Variants in NRG1 observed in about 807,000 individuals in gnomAD.
NRG1 encodes the protein pro-neuregulin-1, membrane-bound isoform.
NRG1 carries 18 observed loss-of-function variants against 63.8 expected under a neutral mutation model. That is an observed-to-expected ratio of 0.28 (90% CI 0.19 to 0.42). The LOEUF (loss-of-function observed/expected upper bound fraction) is 0.42. Among genes scored for constraint, NRG1 ranks in the 10% least tolerant of loss-of-function variants. The probability of loss-of-function intolerance (pLI) is 1.00; values close to 1 mark genes in which losing one functional copy is unlikely to be tolerated. For missense variants in NRG1, 762 were observed against 814.7 expected (o/e 0.94, Z 0.79); for synonymous variants, 302 against 301.3 (o/e 1.00, Z -0.02).
chr8:32,683,407 T>C (rs1021299539), intron 5 of NRG1, among the ~76,000 whole-genome samples: 6 of 152,146 alleles, frequency 3.9e-5, no homozygotes, highest in East Asian at 1.9e-4. Flanking sequence ...TAGATGCAAA[T>C]TGGCATCAAC....
intron 1 of NRG1, among the ~76,000 whole-genome samples, chr8:32,164,919 T>G (rs1256233151): frequency 6.6e-6 from 1 of 152,102 alleles, no homozygotes; most frequent in Non-Finnish European, 1.5e-5. Context: ...ATCTTTGGAG[T>G]TACAATGTCC....
chr8:32,013,797 G>A (rs1305352518), intron 1 of NRG1, among the ~76,000 whole-genome samples: 2 of 152,158 alleles, frequency 1.3e-5, no homozygotes, highest in African/African-American at 4.8e-5. Context: ...ATGGGATTAA[G>A]CTAAACTGAC....
At chr8:32,032,349 C>T (rs1044230697) in intron 1 of NRG1, among the ~76,000 whole-genome samples, 1 of 152,106 alleles carries the variant, frequency 6.6e-6, no homozygotes, top group Non-Finnish European at 1.5e-5. Flanking sequence ...CCGCAATCTC[C>T]ACCTTCCAGC....
At chr8:32,633,512 G>A (rs1052332456) in intron 5 of NRG1, among the ~76,000 whole-genome samples, 37 of 152,130 alleles carry the variant, frequency 2.4e-4, no homozygotes, top group Middle Eastern at 3.2e-3. Context: ...GATCCGGAGT[G>A]AAGGAAAATT....
chr8:32,404,162 T>A (rs1227565443), intron 1 of NRG1, among the ~76,000 whole-genome samples: 1 of 152,178 alleles, frequency 6.6e-6, no homozygotes, highest in African/African-American at 2.4e-5. Context: ...GTTTTCCTGT[T>A]TTGCACCTGC....
intron 1 of NRG1, among the ~76,000 whole-genome samples, chr8:32,254,680 G>T (rs1849485272): frequency 6.6e-6 from 1 of 152,194 alleles, no homozygotes; most frequent in Non-Finnish European, 1.5e-5. Context: ...TTCTGTAGAT[G>T]TCCATTAAGT....
rs1830945745 is a variant in NRG1, at chr8:31,889,089, C to T, written c.37+249658C>T. On this transcript the variant is annotated intron_variant, in intron 1 of 10. Coordinates refer to the NRG1 transcript ENST00000519301. The stretch of plus-strand genomic sequence containing the variant: ...AGGTCTTATTCTGAATATCTACCTT[C>T]ACTTTATAATAATAGAAACTGAACT... Among the ~76,000 whole-genome samples, 5 of 152,084 alleles carry T rather than the reference C, an allele frequency of 3.3e-5. 1 individual carries two copies.
At chr8:32,297,491 A>T (rs1855033712) in intron 1 of NRG1, among the ~76,000 whole-genome samples, 1 of 152,222 alleles carries the variant, frequency 6.6e-6, no homozygotes, top group African/African-American at 2.4e-5. Flanking sequence ...ATTGGGTTGA[A>T]AAGAAAATGC....
chr8:32,762,034 G>A (rs549609411), intron 11 of NRG1, among the ~76,000 whole-genome samples: 4 of 39,526 alleles, frequency 1.0e-4, no homozygotes, highest in East Asian at 4.9e-4. Context: ...GCAAGACTCC[G>A]CCTCAAAAAA....
chr8:32,610,580 G>A (rs1417772759), intron 3 of NRG1, among the ~76,000 whole-genome samples: 2 of 152,152 alleles, frequency 1.3e-5, no homozygotes, highest in Admixed American at 1.3e-4. Context: ...ATGCTTGGGT[G>A]TAACAGTGGC....
At chr8:31,844,627 C>T (rs1229875039) in intron 1 of NRG1, among the ~76,000 whole-genome samples, 1 of 152,148 alleles carries the variant, frequency 6.6e-6, no homozygotes, top group African/African-American at 2.4e-5. Context: ...TTTTCTGCTG[C>T]CCCTTTGAGC....
intron 1 of NRG1, among the ~76,000 whole-genome samples, chr8:32,427,977 C>T (rs374014586): frequency 6.6e-6 from 1 of 152,204 alleles, no homozygotes; most frequent in Non-Finnish European, 1.5e-5. Context: ...TTTACAACAA[C>T]GGAAGTTTAT....
chr8:32,758,489 A>G (rs947659879), intron 9 of NRG1, among the ~76,000 whole-genome samples: 4 of 143,064 alleles, frequency 2.8e-5, no homozygotes, highest in African/African-American at 1.0e-4. Context: ...AGGCAGGAGA[A>G]TTGCTTGAAC....
intron 5 of NRG1, among the ~76,000 whole-genome samples, chr8:32,713,856 G>A (rs963701800): frequency 4.0e-5 from 6 of 148,680 alleles, no homozygotes; most frequent in East Asian, 2.0e-4. Flanking sequence ...ATGGAATCTC[G>A]CTCTGTCACC....
At position 32,354,317 on chromosome 8, in the gene NRG1, C is replaced by T. The variant is rs140150407; in HGVS notation, c.38-241511C>T. On this transcript the variant is annotated intron_variant, in intron 1 of 10. Coordinates refer to the NRG1 transcript ENST00000519301. Reference sequence around the variant, plus strand: ...CCGGGAGGCAGAGGTTGCAGTGAGCCGAGATCGTGCCACTGCACTCCAGTC... The same window carrying T: ...CCGGGAGGCAGAGGTTGCAGTGAGCTGAGATCGTGCCACTGCACTCCAGTC... Among the ~76,000 whole-genome samples, 328 of 152,094 alleles carry T rather than the reference C, an allele frequency of 2.2e-3. 2 individuals are homozygous for T. Among genetic ancestry groups the T allele is most frequent in the African/African-American group, 7.8e-3 (322 of 41,470 alleles).
At chr8:32,350,930 C>G (rs1196932961) in intron 1 of NRG1, among the ~76,000 whole-genome samples, 1 of 152,138 alleles carries the variant, frequency 6.6e-6, no homozygotes, top group Non-Finnish European at 1.5e-5. Context: ...ATAGCAGATG[C>G]TCAGTCAATA....
chr8:32,448,478 G>T (rs1820546658), intron 1 of NRG1, among the ~76,000 whole-genome samples: 1 of 152,162 alleles, frequency 6.6e-6, no homozygotes, highest in Admixed American at 6.5e-5. Context: ...CCTGGGGATT[G>T]GAATTACTCT....
chr8:32,226,713 A>C (rs748117171), intron 1 of NRG1, among the ~76,000 whole-genome samples: 16 of 152,204 alleles, frequency 1.1e-4, no homozygotes, highest in Non-Finnish European at 1.9e-4. Flanking sequence ...TTTCTGATGA[A>C]AGTATCACAG....
At position 32,321,481 on chromosome 8, in the gene NRG1, T is replaced by TA. The variant is rs74795735; in HGVS notation, c.38-274333dup. Reference sequence around the variant, plus strand: ...AGGTTAGAATCATGTTTACCACCTGTAAAAAAAAAAAAAATCTGACAGCAG... The same window carrying TA: ...AGGTTAGAATCATGTTTACCACCTGTAAAAAAAAAAAAAAATCTGACAGCAG... On this transcript the variant is annotated intron_variant, in intron 1 of 10. Transcript: ENST00000519301. 9.3e-4 allele frequency among the ~76,000 whole-genome samples: 131 copies of TA among 141,018 alleles called. No homozygotes were observed. In the Middle Eastern group the frequency reaches 0.011, roughly 12 times the overall value. 92.5% of individuals were successfully genotyped at this position (141,018 alleles called of 152,430 possible).
Sources: allele counts gnomAD v4.1 joint callset (sites outside exome capture counted in the v4.1 genomes callset), GRCh38; gene constraint gnomAD v4.1.1; transcripts MANE v1.5; gene names NCBI Gene and HGNC (gene_info 2026-07-23, HGNC 2026-07-21).